CHD7: variants seen among roughly 807,000 people sequenced by gnomAD.
The protein encoded by CHD7 is ATP-dependent chromatin remodeler CHD7.
In CHD7, 24 loss-of-function variants were observed where a neutral mutation model predicts 307.3. The observed-to-expected ratio is 0.08, with a 90% CI of 0.06 to 0.11. The LOEUF is 0.11. CHD7 is among the 10% of genes least tolerant of loss of function. The pLI is 1.00. For synonymous variants in CHD7, 1,363 were observed against 1,349.9 expected, an observed-to-expected ratio of 1.01 and a Z score of -0.21; for missense variants, 3,106 against 3,727.1, an observed-to-expected ratio of 0.83 and a Z score of 4.34.
intron 2 of CHD7, among the ~76,000 whole-genome samples, chr8:60,766,250 G>GTAAGGAA (rs1353350968): frequency 2.0e-5 from 3 of 152,192 alleles, no homozygotes; most frequent in Admixed American, 2.0e-4. Context: ...TGTGTAGCTT[G>GTAAGGAA]TTGTCTGCTG....
At chr8:60,757,068 T>C (rs780146829) in intron 2 of CHD7, among the ~76,000 whole-genome samples, 2 of 152,208 alleles carry the variant, frequency 1.3e-5, no homozygotes, top group Non-Finnish European at 2.9e-5. Flanking sequence ...CTCACCTGGA[T>C]GGAAATTTCC....
intron 1 of CHD7, among the ~76,000 whole-genome samples, chr8:60,687,913 A>G (rs1004224502): frequency 8.5e-5 from 13 of 152,254 alleles, no homozygotes; most frequent in Non-Finnish European, 1.3e-4. Context: ...GTTGCCACGT[A>G]GACCAGCTCT....
rs569799707 is a variant in CHD7, at chr8:60,742,316, G to A, written c.884G>A (p.Arg295Gln). 5.6e-5 allele frequency: 90 copies of A among 1,613,906 alleles called. No individual in the cohort carries two copies. In the South Asian group the frequency reaches 8.1e-4, roughly 15 times the overall value. The change falls in exon 2 of 38, where the codon CGG becomes CAG. Residue 295 changes from arginine to glutamine, a missense_variant. Coordinates refer to ENST00000423902, the MANE Select transcript of CHD7 (RefSeq NM_017780.4). ...CCGCAAACCCTTAACTTTAGTTCTC[G>A]GAGCCAGACAGTCCCCTCTCCTACT... is the stretch of plus-strand genomic sequence containing the variant. ...VRPQTLNFSS[R>Q]SQTVPSPTIN...
At chr8:60,797,337 A>G (rs1398422131) in intron 4 of CHD7, among the ~76,000 whole-genome samples, 1 of 152,250 alleles carries the variant, frequency 6.6e-6, no homozygotes, top group Non-Finnish European at 1.5e-5. Context: ...GTGACCTCGT[A>G]TCCACTGCTA....
intron 6 of CHD7, among the ~76,000 whole-genome samples, 172 bp from the exon 7 acceptor site, chr8:60,808,045 G>A (rs999103962): frequency 1.3e-5 from 2 of 152,244 alleles, no homozygotes; most frequent in South Asian, 2.1e-4. Context: ...CCTGAGCGTG[G>A]CAGTCTTCGT....
At chr8:60,680,383 G>A (rs1305153941) in intron 1 of CHD7, among the ~76,000 whole-genome samples, 9 of 132,744 alleles carry the variant, frequency 6.8e-5, no homozygotes, top group Admixed American at 2.9e-4. Context: ...CGGCGGCGCG[G>A]GGCTGTCGAG....
chr8:60,746,808 A>G (rs1183537269), intron 2 of CHD7, among the ~76,000 whole-genome samples: 1 of 152,192 alleles, frequency 6.6e-6, no homozygotes, highest in Non-Finnish European at 1.5e-5. Context: ...GAAAAATTAC[A>G]CATTTTGGTA....
intron 21 of CHD7, among the ~76,000 whole-genome samples, chr8:60,844,298 A>G (rs934561881): frequency 6.6e-6 from 1 of 152,184 alleles, no homozygotes; most frequent in Non-Finnish European, 1.5e-5. Flanking sequence ...GGTTGGCAGA[A>G]TATCTTGCCT....
rs1261230568 is a variant in CHD7 at position 60,865,393 on chromosome 8, C to A, written c.8454C>A (p.Asn2818Lys). The A allele has an allele frequency of 1.9e-6, 3 of 1,613,328 alleles. No homozygotes were observed. Among genetic ancestry groups the A allele is most frequent in the Middle Eastern group, 1.6e-4 (1 of 6,062 alleles). The change falls in exon 38 of 38, where the codon AAC becomes AAA. Residue 2818 changes from asparagine (N) to lysine (K), a missense_variant. Transcript: ENST00000423902. The surrounding 1 kb of genome is among the most constrained non-coding windows in gnomAD (Gnocchi z 4.3). ...TTGGCTTGGGCGGGCTGTTGAATAA[C>A]CCTCTGTCAGCTGCTACTGGAAACA... ...NVFGLGGLLNNPLSAATGNTT... is the reference protein window; with the variant it reads ...NVFGLGGLLNKPLSAATGNTT...
At chr8:60,702,326 A>C (rs951811877) in intron 1 of CHD7, among the ~76,000 whole-genome samples, 1 of 152,208 alleles carries the variant, frequency 6.6e-6, no homozygotes, top group African/African-American at 2.4e-5. Context: ...AAAATATAGG[A>C]TATTCTTATT....
At chr8:60,804,909 C>G (rs766895866) in intron 6 of CHD7, among the ~76,000 whole-genome samples, 1 of 152,098 alleles carries the variant, frequency 6.6e-6, no homozygotes, top group Non-Finnish European at 1.5e-5. Context: ...TAAGGATTTC[C>G]CTAGACTAAT....
At chr8:60,693,384 G>A (rs1586170755) in intron 1 of CHD7, among the ~76,000 whole-genome samples, 1 of 152,176 alleles carries the variant, frequency 6.6e-6, no homozygotes. Context: ...TGCTCCTGCC[G>A]CTCAGCCTTC....
In CHD7 at chr8:60,742,146, G is replaced by T; in HGVS notation, c.714G>T (p.Val238=). The stretch of plus-strand genomic sequence containing the variant: ...CAGGACCTGGCCACTTGTCCCACGT[G>T]CCCCAGCAGAGTCCCAGCATGGCAC... ...ATSGPGHLSH[V]PQQSPSMAPS... Residue 238 remains valine (V), a synonymous_variant, in exon 2 of 38, where the codon GTG becomes GTT. Transcript: ENST00000423902. 6.2e-7 allele frequency: 1 copy of T among 1,613,930 alleles called. No homozygotes were observed. The highest frequency in any genetic ancestry group is 8.5e-7 in the Non-Finnish European group (1 of 1,179,880).
At chr8:60,849,746 T>G (rs1028868678) in intron 25 of CHD7, among the ~76,000 whole-genome samples, 4 of 152,170 alleles carry the variant, frequency 2.6e-5, no homozygotes, top group Admixed American at 6.5e-5. Flanking sequence ...AAGGGGAGAA[T>G]GATGGCTTAT....
intron 19 of CHD7, among the ~76,000 whole-genome samples, chr8:60,839,008 A>T (rs2150781077): frequency 6.6e-6 from 1 of 152,368 alleles, no homozygotes; most frequent in South Asian, 2.1e-4. Context: ...TTGAGCAAAT[A>T]TTGCCACAAT....
intron 1 of CHD7, among the ~76,000 whole-genome samples, chr8:60,715,027 G>T (rs1807518021): frequency 6.6e-6 from 1 of 152,218 alleles, no homozygotes; most frequent in Non-Finnish European, 1.5e-5. Context: ...CGAATGGTTT[G>T]TTTTTTTGTG....
chr8:60,773,152 AG>A (rs138508794), intron 2 of CHD7, among the ~76,000 whole-genome samples: 3,222 of 152,344 alleles, frequency 0.021, 73 homozygotes, highest in African/African-American at 0.049. Context: ...CTGCTGCCTC[AG>A]GGGGGTACCC....
At chr8:60,715,751 T>C (rs1490841074) in intron 1 of CHD7, among the ~76,000 whole-genome samples, 1 of 151,046 alleles carries the variant, frequency 6.6e-6, no homozygotes, top group South Asian at 2.1e-4. Context: ...ATGGCAATAC[T>C]CTACCTTAGA....
Position 60,838,067 on chromosome 8 carries a change from C to G in CHD7, c.4354-9C>G. Reference sequence around the variant, plus strand: ...TATTTTGAGTATTTTAAATATTTCTCTAAAACAGGTACAACAGCTTTCCAA... The same window carrying G: ...TATTTTGAGTATTTTAAATATTTCTGTAAAACAGGTACAACAGCTTTCCAA... On this transcript the variant is annotated splice_polypyrimidine_tract_variant and intron_variant, in intron 18 of 37. Coordinates refer to ENST00000423902, the MANE Select transcript of CHD7 (RefSeq NM_017780.4). 6.8e-7 allele frequency: 1 copy of G among 1,477,448 alleles called. No homozygotes were observed. The allele number at this position is 1,477,448 out of a possible 1,614,324, so 91.5% of individuals were successfully genotyped here.
Sources: allele counts gnomAD v4.1 joint callset (sites outside exome capture counted in the v4.1 genomes callset), GRCh38; gene constraint gnomAD v4.1.1; non-coding constraint Gnocchi (gnomAD v3.1); transcripts MANE v1.5; gene names NCBI Gene and HGNC (gene_info 2026-07-23, HGNC 2026-07-21).